The following SLC4A11 variants were observed in gnomAD, a reference collection of about 807,000 sequenced individuals.
The protein encoded by SLC4A11 is bicarbonate transporter related protein 1.
In SLC4A11, 74 loss-of-function variants were observed where a neutral mutation model predicts 95.0. The ratio of observed to expected loss-of-function variants is 0.78; its 90% CI spans 0.65 to 0.95. The LOEUF is 0.95. Among genes scored for constraint, SLC4A11 ranks in the 40% least tolerant of loss-of-function variants. The probability of loss-of-function intolerance (pLI) is 0.00; values close to 1 mark genes in which losing one functional copy is unlikely to be tolerated. For synonymous variants in SLC4A11, 548 were observed against 519.0 expected (o/e 1.06, Z -0.76); for missense variants, 1,081 against 1,192.4 (o/e 0.91, Z 1.38).
In SLC4A11 at chr20:3,230,255, G is replaced by A. The variant is rs768052263; in HGVS notation, c.1421C>T (p.Thr474Met). ...AATGAAGAGGGCGATGATCTCCTCC[G>A]TCGACCTGCCAGGAGGCCATGAGCC... ...SLVMSLFKRS[T>M]EEIIALFISI... Residue 474 changes from threonine (T) to methionine (M), a missense_variant, in exon 13 of 20, where the codon ACG (threonine) becomes ATG (methionine). Physicochemically the swap from Thr to Met is moderately conservative, Grantham distance 81. Transcript: ENST00000642402. 95 of 1,613,346 alleles carry A rather than the reference G, an allele frequency of 5.9e-5. No individual in the cohort carries two copies. Among genetic ancestry groups the A allele is most frequent in the Non-Finnish European group, 7.2e-5 (85 of 1,180,012 alleles).
intron 1 of SLC4A11, chr20:3,238,619 G>A (rs2068064826): frequency 6.0e-6 from 6 of 992,474 alleles, no homozygotes; most frequent in African/African-American, 1.7e-5. Context: ...CGGCCGCGCA[G>A]GGCACGGTCA....
rs2067574004 is a variant in SLC4A11, at chr20:3,227,646, A to C, written c.*141T>G. ...ATACCACTGCACCCCTACAATGCCC[A>C]GATGCCCCAGGCCTGAGTCAGCCAT... On this transcript the variant is annotated 3_prime_UTR_variant, in exon 20 of 20. Transcript: ENST00000642402. 1 of 838,430 alleles carries C rather than the reference A, an allele frequency of 1.2e-6. No homozygotes were observed. The allele number at this position is 838,430 out of a possible 1,614,324, so 51.9% of individuals were successfully genotyped here.
chr20:3,228,142 C>A, intron 19 of SLC4A11, 117 bp downstream of exon 19: 1 of 682,394 alleles, frequency 1.5e-6, no homozygotes, highest in East Asian at 3.1e-5. Context: ...GGGCACCCAC[C>A]CCAACCCGCC....
chr20:3,229,804 C>T, intron 13 of SLC4A11, 28 bp from the exon 14 acceptor site: 1 of 1,613,558 alleles, frequency 6.2e-7, no homozygotes, highest in East Asian at 2.2e-5. Context: ...CAGGCCTCAG[C>T]CCTCTCCAGC....
In SLC4A11 at chr20:3,230,849, TG is replaced by T; in HGVS notation, c.1169-5del. ...CCGGCTATGGTCTTCTGCACGTCTG[TG>T]GGGGTGCGGAGGTCAGGTGGGCGCC... On this transcript the variant is annotated splice_region_variant and splice_polypyrimidine_tract_variant and intron_variant, in intron 10 of 19. Transcript: ENST00000642402. 6.2e-7 allele frequency: 1 copy of T among 1,613,128 alleles called. No individual in the cohort carries two copies. Among genetic ancestry groups the T allele is most frequent in the Non-Finnish European group, 8.5e-7 (1 of 1,179,842 alleles).
rs984393831 is a variant in SLC4A11, at chr20:3,229,224, G to A, written c.1889C>T (p.Ala630Val). 8 of 1,612,732 alleles carry A rather than the reference G, an allele frequency of 5.0e-6. No homozygotes were observed. Among genetic ancestry groups the A allele is most frequent in the African/African-American group, 2.7e-5 (2 of 74,926 alleles). The change falls in exon 16 of 20, where the codon GCG becomes GTG. Residue 630 changes from alanine to valine, a missense_variant. Physicochemically the swap from Ala to Val is moderately conservative, Grantham distance 64. Transcript: ENST00000642402. ...FRYNPSESPFAMAQIQSLSLR... is the reference protein window; with the variant it reads ...FRYNPSESPFVMAQIQSLSLR... ...GGACAGCGACTGGATCTGCGCCATC[G>A]CAAAGGGGCTCTCGCTGGGGTTGTA... is the stretch of plus-strand genomic sequence containing the variant.
At position 3,234,111 on chromosome 20, in the gene SLC4A11, G is replaced by C. The variant is rs148099705; in HGVS notation, c.495C>G (p.Thr165=). 1 of 1,614,030 alleles carries C rather than the reference G, an allele frequency of 6.2e-7. No homozygotes were observed. The change falls in exon 5 of 20, where the codon ACC becomes ACG. Residue 165 remains threonine, a synonymous_variant. Coordinates refer to ENST00000642402, the MANE Select transcript of SLC4A11 (RefSeq NM_001174089.2). The surrounding 1 kb of genome is among the most constrained non-coding windows in gnomAD (Gnocchi z 5.8). ...NLDLLMAMLF[T]DAGAPMRGKV... ...TACCCCGCATGGGTGCCCCGGCATC[G>C]GTGAAGAGCATGGCCATGAGCAGGT...
chr20:3,234,083 C>T lies in SLC4A11; in HGVS notation c.523G>A (p.Val175Ile), dbSNP rs373226684. 4 of 1,613,830 alleles carry T rather than the reference C, an allele frequency of 2.5e-6. No homozygotes were observed. The Admixed American group carries it at 6.7e-5, about 27-fold the overall frequency. ...GCCCGGGCCGGGAGACCGGCCTCAC[C>T]TTTACCCCGCATGGGTGCCCCGGCA... Reference protein sequence around the residue: ...TDAGAPMRGKVHLLSDTIQGV... With the variant: ...TDAGAPMRGKIHLLSDTIQGV... Residue 175 changes from valine to isoleucine, a missense_variant and splice_region_variant, in exon 5 of 20, where the codon GTC becomes ATC. Transcript: ENST00000642402. The surrounding 1 kb of genome is among the most constrained non-coding windows in gnomAD (Gnocchi z 5.8).
chr20:3,230,781 C>T lies in SLC4A11; in HGVS notation c.1233G>A (p.Gln411=), dbSNP rs990199619. 1 of 1,613,366 alleles carries T rather than the reference C, an allele frequency of 6.2e-7. No individual in the cohort carries two copies. The highest frequency in any genetic ancestry group is 8.5e-7 in the Non-Finnish European group (1 of 1,180,000). ...GGLLYALFSG[Q]PLVILLTTAP... ...CGGTGGTCAGCAGAATCACCAATGG[C>T]TGCCCAGAGAAGAGCGCGTAGAGCA... The change falls in exon 11 of 20, where the codon CAG becomes CAA. Residue 411 remains glutamine, a synonymous_variant. Coordinates refer to ENST00000642402, the MANE Select transcript of SLC4A11 (RefSeq NM_001174089.2).
At chr20:3,230,477 C>G in intron 12 of SLC4A11, 38 bp downstream of exon 12, 1 of 1,613,294 alleles carries the variant, frequency 6.2e-7, no homozygotes, top group South Asian at 1.1e-5. Flanking sequence ...AGATCCCAAG[C>G]CTTGAGGGTC....
At chr20:3,235,279 C>CCT (rs1568543836) in intron 2 of SLC4A11, among the ~76,000 whole-genome samples, 1 of 138,994 alleles carries the variant, frequency 7.2e-6, no homozygotes, top group African/African-American at 2.9e-5. Context: ...GCAGTATCCA[C>CCT]GTCTCTCTCT....
At chr20:3,232,240 GCA>G (rs199562205) in intron 7 of SLC4A11, among the ~76,000 whole-genome samples, 2,980 of 152,332 alleles carry the variant, frequency 0.02, 48 homozygotes, top group Non-Finnish European at 0.029. Flanking sequence ...AGCCCGTCAG[GCA>G]CTCTCTCTCT....
Position 3,230,856 on chromosome 20 carries a change from G to A in SLC4A11, c.1169-11C>T. 6.2e-7 allele frequency: 1 copy of A among 1,613,230 alleles called. No individual in the cohort carries two copies. Among genetic ancestry groups the A allele is most frequent in the Non-Finnish European group, 8.5e-7 (1 of 1,179,900 alleles). On this transcript the variant is annotated splice_polypyrimidine_tract_variant and intron_variant, in intron 10 of 19. Transcript: ENST00000642402. Reference sequence around the variant, plus strand: ...TGGTCTTCTGCACGTCTGTGGGGGTGCGGAGGTCAGGTGGGCGCCGCAGCC... The same window carrying A: ...TGGTCTTCTGCACGTCTGTGGGGGTACGGAGGTCAGGTGGGCGCCGCAGCC...
Position 3,231,199 on chromosome 20 carries a change from C to T in SLC4A11, c.992G>A (p.Arg331Gln), listed in dbSNP as rs112163941. The change falls in exon 9 of 20, where the codon CGG (arginine) becomes CAG (glutamine). Residue 331 changes from arginine (R) to glutamine (Q), a missense_variant. Arg to Gln is a conservative substitution (Grantham distance 43). Around this residue, in one of 3 missense-constraint regions of SLC4A11, gnomAD observed 767 missense variants for 858.0 expected, o/e 0.89. Transcript: ENST00000642402. The surrounding 1 kb of genome is among the most constrained non-coding windows in gnomAD (Gnocchi z 5.2). ...GGGGAACCTGCGTGCGATGTCCTCC[C>T]GGATGCCCTTCCCAAAAGGGACAAA... ...KDFVPFGKGI[R>Q]EDIARRFPLY... 516 of 1,614,070 alleles carry T rather than the reference C, an allele frequency of 3.2e-4. 3 individuals are homozygous for T. The African/African-American group carries it at 6.0e-3, about 19-fold the overall frequency.
chr20:3,233,263 G>A (rs117725082), intron 7 of SLC4A11, among the ~76,000 whole-genome samples: 6,625 of 152,256 alleles, frequency 0.044, 199 homozygotes, highest in Non-Finnish European at 0.063. Flanking sequence ...AGAAGGCCGC[G>A]TGTTTGAATA....
At chr20:3,238,775 G>A in intron 1 of SLC4A11, 4 of 1,122,650 alleles carry the variant, frequency 3.6e-6, no homozygotes, top group Non-Finnish European at 4.4e-6. Context: ...GGGGCGCTGG[G>A]AGCCCCACAG....
In SLC4A11 at chr20:3,234,360, T is replaced by C. The variant is rs374576709; in HGVS notation, c.292-46A>G. On this transcript the variant is annotated intron_variant, in intron 4 of 19. Coordinates refer to ENST00000642402, the MANE Select transcript of SLC4A11 (RefSeq NM_001174089.2). This position sits in a 1 kb window ranked among gnomAD's most constrained non-coding sequence, Gnocchi z 5.8. ...GAACCACACGGGCCCATGTATGAGATGCTGTCACTGCCTGGTCCCTCCCTC... is the reference window on the plus strand; with the variant it reads ...GAACCACACGGGCCCATGTATGAGACGCTGTCACTGCCTGGTCCCTCCCTC... 9 of 1,565,564 alleles carry C rather than the reference T, an allele frequency of 5.7e-6. No individual in the cohort carries two copies. In the African/African-American group the frequency reaches 8.1e-5, roughly 14 times the overall value.
At position 3,230,922 on chromosome 20, in the gene SLC4A11, C is replaced by T. The variant is rs779372193; in HGVS notation, c.1168+11G>A. 1 of 1,608,890 alleles carries T rather than the reference C, an allele frequency of 6.2e-7. No homozygotes were observed. Among genetic ancestry groups the T allele is most frequent in the Non-Finnish European group, 8.5e-7 (1 of 1,175,624 alleles). The stretch of plus-strand genomic sequence containing the variant: ...CATACCCCCACCCACCGCCCACCGC[C>T]AGCCCCTCACCGATGGCCCCGTCTG... On this transcript the variant is annotated intron_variant, in intron 10 of 19. Coordinates refer to ENST00000642402, the MANE Select transcript of SLC4A11 (RefSeq NM_001174089.2).
At position 3,229,665 on chromosome 20, in the gene SLC4A11, G is replaced by A. The variant is rs773533260; in HGVS notation, c.1601C>T (p.Thr534Ile). The change falls in exon 14 of 20, where the codon ACT becomes ATT. Residue 534 changes from threonine to isoleucine, a missense_variant. By Grantham distance (89) the Thr-to-Ile change is moderately conservative (BLOSUM62 -1). Coordinates refer to ENST00000642402, the MANE Select transcript of SLC4A11 (RefSeq NM_001174089.2). ...GGCGAGGAAGCTGGCGTTGAGGGCAGTGTGGAGGCTGGCGTTGAGGCTGGC... is the reference window on the plus strand; with the variant it reads ...GGCGAGGAAGCTGGCGTTGAGGGCAATGTGGAGGCTGGCGTTGAGGCTGGC... The part of the protein sequence containing the change: ...LGASLNASLH[T>I]ALNASFLASP... The A allele has an allele frequency of 1.2e-6, 2 of 1,613,910 alleles. No individual in the cohort carries two copies. The highest frequency in any genetic ancestry group is 1.7e-5 in the Admixed American group (1 of 60,026).
Sources: allele counts gnomAD v4.1 joint callset (sites outside exome capture counted in the v4.1 genomes callset), GRCh38; gene constraint gnomAD v4.1.1; regional missense constraint gnomAD v4.1.1; non-coding constraint Gnocchi (gnomAD v3.1); transcripts MANE v1.5; gene names NCBI Gene and HGNC (gene_info 2026-07-23, HGNC 2026-07-21).